The following RAP1A variants were observed in gnomAD, a reference collection of about 807,000 sequenced individuals.
RAP1A encodes the protein RAP1A, member of RAS oncogene family.
In RAP1A, 6 loss-of-function variants were observed where a neutral mutation model predicts 26.4. That is an observed-to-expected ratio of 0.23 (90% CI 0.12 to 0.45). RAP1A has a LOEUF of 0.45. Among genes scored for constraint, RAP1A ranks in the 20% least tolerant of loss-of-function variants. The probability of loss-of-function intolerance (pLI) is 0.99; values close to 1 mark genes in which losing one functional copy is unlikely to be tolerated. For synonymous variants in RAP1A, 73 were observed against 79.4 expected, an observed-to-expected ratio of 0.92 and a Z score of 0.43; for missense variants, 121 against 217.2, an observed-to-expected ratio of 0.56 and a Z score of 2.78.
At chr1:111,598,846 C>T (rs1360260994) in intron 1 of RAP1A, among the ~76,000 whole-genome samples, 2 of 152,186 alleles carry the variant, frequency 1.3e-5, no homozygotes, top group East Asian at 1.9e-4. Flanking sequence ...CACAAAGCTG[C>T]CCCTACTTCC....
At chr1:111,572,454 G>C (rs902974575) in intron 1 of RAP1A, among the ~76,000 whole-genome samples, 1 of 152,208 alleles carries the variant, frequency 6.6e-6, no homozygotes, top group Admixed American at 6.5e-5. Context: ...CCTACACTGA[G>C]AATGGACAAT....
intron 1 of RAP1A, among the ~76,000 whole-genome samples, chr1:111,605,620 A>C (rs1397591770): frequency 6.6e-6 from 1 of 152,228 alleles, no homozygotes. Context: ...CTGTCTTGGT[A>C]GGTGAAGAAA....
At chr1:111,603,430 G>A (rs1658708479) in intron 1 of RAP1A, among the ~76,000 whole-genome samples, 1 of 152,132 alleles carries the variant, frequency 6.6e-6, no homozygotes, top group African/African-American at 2.4e-5. Context: ...AGAATGCTGT[G>A]GAAATTAGTT....
intron 1 of RAP1A, among the ~76,000 whole-genome samples, chr1:111,633,025 A>C (rs987298499): frequency 1.3e-5 from 2 of 151,550 alleles, no homozygotes; most frequent in East Asian, 3.9e-4. Context: ...CTACTTCATG[A>C]GGTATGGTGT....
upstream of RAP1A, among the ~76,000 whole-genome samples, chr1:111,615,683 T>C (rs1454786695): frequency 6.6e-6 from 1 of 151,820 alleles, no homozygotes; most frequent in Non-Finnish European, 1.5e-5. Flanking sequence ...ATAAAAAAAT[T>C]AGCTGGCCGT....
chr1:111,664,128 C>T (rs1660717351), intron 1 of RAP1A, among the ~76,000 whole-genome samples: 1 of 151,990 alleles, frequency 6.6e-6, no homozygotes, highest in Non-Finnish European at 1.5e-5. Flanking sequence ...AATCCCAGCA[C>T]TTTGGGAGGC....
intron 2 of RAP1A, among the ~76,000 whole-genome samples, chr1:111,692,008 G>A (rs1017686452): frequency 1.2e-4 from 19 of 152,168 alleles, no homozygotes; most frequent in Admixed American, 2.0e-4. Context: ...TAGAAGAAAG[G>A]CAGAGTGGAT....
Position 111,607,799 on chromosome 1 carries a change from C to T in RAP1A, c.-28+65290C>T, listed in dbSNP as rs1472322728. ...GGCGCCCCTCACCTCCCGGACGGGG[C>T]GGCTGGCCGGGCGGGGGGCTGACCC... On this transcript the variant is annotated intron_variant, in intron 1 of 7. Coordinates refer to the RAP1A transcript ENST00000356415. Among the ~76,000 whole-genome samples, 6 of 123,556 alleles carry T rather than the reference C, an allele frequency of 4.9e-5. 1 individual carries two copies. The highest frequency in any genetic ancestry group is 6.8e-5 in the Non-Finnish European group (4 of 58,594). 81.1% of individuals were successfully genotyped at this position (123,556 alleles called of 152,430 possible).
intron 3 of RAP1A, 84 bp downstream of exon 3, chr1:111,695,493 A>G: frequency 1.0e-6 from 1 of 986,438 alleles, no homozygotes. Context: ...CTTTTTGAAA[A>G]TAGTTTTGAG....
intron 1 of RAP1A, among the ~76,000 whole-genome samples, chr1:111,655,324 AT>A (rs1167247037): frequency 6.6e-6 from 1 of 152,136 alleles, no homozygotes; most frequent in Non-Finnish European, 1.5e-5. Flanking sequence ...AGCAAACAAT[AT>A]CTGAGGGAAA....
At chr1:111,658,591 T>TGGTTCAGGATCATTAAGATGTC (rs1660537890) in intron 1 of RAP1A, among the ~76,000 whole-genome samples, 1 of 152,158 alleles carries the variant, frequency 6.6e-6, no homozygotes, top group Non-Finnish European at 1.5e-5. Context: ...CATATTCACC[T>TGGTTCAGGATCATTAAGATGTC]AGGCCTACAC....
At chr1:111,569,353 C>T (rs1231616601) in intron 1 of RAP1A, among the ~76,000 whole-genome samples, 7 of 145,946 alleles carry the variant, frequency 4.8e-5, no homozygotes, top group South Asian at 4.3e-4. Flanking sequence ...TAGCCGAGAT[C>T]GCACCATTGC....
intron 1 of RAP1A, among the ~76,000 whole-genome samples, chr1:111,642,786 CTTT>C (rs11414021): frequency 1.7e-5 from 2 of 119,452 alleles, no homozygotes; most frequent in Non-Finnish European, 1.7e-5. Context: ...CGTGCCCAGC[CTTT>C]TTTTTTTTTT....
chr1:111,611,506 T>G (rs1431111902), intron 1 of RAP1A, among the ~76,000 whole-genome samples: 1 of 152,268 alleles, frequency 6.6e-6, no homozygotes, highest in East Asian at 1.9e-4. Context: ...GTAATTTGCT[T>G]AATGAATAAC....
At chr1:111,580,851 AAAAAAAC>A (rs200040545) in intron 1 of RAP1A, among the ~76,000 whole-genome samples, 2 of 57,816 alleles carry the variant, frequency 3.5e-5, no homozygotes, top group African/African-American at 7.7e-5. Flanking sequence ...TCTCAAAAAC[AAAAAAAC>A]AAAAAACAAA....
At chr1:111,679,394 G>A (rs889085803) in intron 1 of RAP1A, among the ~76,000 whole-genome samples, 3 of 152,112 alleles carry the variant, frequency 2.0e-5, no homozygotes, top group South Asian at 4.2e-4. Flanking sequence ...TTTGCAACCC[G>A]CAGACCAGGA....
chr1:111,619,715 A>T (rs908437778), upstream of RAP1A: 2 of 392,946 alleles, frequency 5.1e-6, no homozygotes, highest in African/African-American at 2.1e-5. Flanking sequence ...AGCCATCGCC[A>T]ACTTGGAGGG....
intron 1 of RAP1A, among the ~76,000 whole-genome samples, chr1:111,544,282 A>G (rs140197432): frequency 6.6e-5 from 10 of 152,238 alleles, no homozygotes; most frequent in African/African-American, 1.9e-4. Context: ...AAGGTGCACA[A>G]CTCAGTAATT....
chr1:111,674,089 G>A (rs1661053505), intron 1 of RAP1A, among the ~76,000 whole-genome samples: 1 of 152,084 alleles, frequency 6.6e-6, no homozygotes, highest in African/African-American at 2.4e-5. Flanking sequence ...GAGGCATTTG[G>A]GGAATATAAA....
Sources: allele counts gnomAD v4.1 joint callset (sites outside exome capture counted in the v4.1 genomes callset), GRCh38; gene constraint gnomAD v4.1.1; transcripts MANE v1.5; gene names NCBI Gene and HGNC (gene_info 2026-07-23, HGNC 2026-07-21).